Variants in SMPX observed in about 807,000 individuals in gnomAD.
SMPX encodes the protein small muscle protein X-linked.
SMPX carries 2 observed loss-of-function variants against 6.3 expected under a neutral mutation model. That is an observed-to-expected ratio of 0.32 (90% CI 0.13 to 0.99). SMPX has a LOEUF of 0.99. Among genes scored for constraint, SMPX ranks in the 50% least tolerant of loss-of-function variants. SMPX has a pLI of 0.49. For missense variants in SMPX, 60 were observed against 66.8 expected (o/e 0.90, Z 0.36); for synonymous variants, 32 against 24.7 (o/e 1.30, Z -0.88).
intron 2 of SMPX, among the ~76,000 whole-genome samples, chrX:21,749,561 T>C (rs1249235647): frequency 8.9e-6 from 1 of 111,855 alleles, no homozygotes; most frequent in Non-Finnish European, 1.9e-5. Context: ...AAGACAGCAT[T>C]GCAGAGTGCT....
chrX:21,718,119 C>A (rs1279132672), intron 4 of SMPX, among the ~76,000 whole-genome samples: 2 of 112,182 alleles, frequency 1.8e-5, no homozygotes, highest in Non-Finnish European at 3.8e-5. Flanking sequence ...TTTGAAAGAT[C>A]CGCTGATTGC....
intron 3 of SMPX, among the ~76,000 whole-genome samples, chrX:21,741,338 C>T (rs1438097861): frequency 7.1e-5 from 8 of 112,132 alleles, no homozygotes; most frequent in African/African-American, 9.7e-5. Context: ...GGCTAGGCAA[C>T]GAACGAATTT....
intron 4 of SMPX, among the ~76,000 whole-genome samples, chrX:21,731,570 A>ATATGTGTATATGTACACAT (rs2092804330): frequency 2.5e-5 from 1 of 40,126 alleles, no homozygotes; most frequent in African/African-American, 7.0e-5. Context: ...CATTATGTGT[A>ATATGTGTATATGTACACAT]TATGTGTATA....
At chrX:21,713,010 A>G (rs189338008) in intron 4 of SMPX, among the ~76,000 whole-genome samples, 143 of 112,177 alleles carry the variant, frequency 1.3e-3, no homozygotes, top group African/African-American at 4.4e-3. Flanking sequence ...CCTTCTTCCC[A>G]TAATGCATAC....
At chrX:21,726,089 T>C (rs2092796565) in intron 4 of SMPX, among the ~76,000 whole-genome samples, 1 of 111,724 alleles carries the variant, frequency 9.0e-6, no homozygotes, top group Non-Finnish European at 1.9e-5. Context: ...TATTCCTATT[T>C]ATAGATGTGG....
intron 2 of SMPX, among the ~76,000 whole-genome samples, chrX:21,749,872 G>C (rs2092825594): frequency 8.9e-6 from 1 of 112,296 alleles, no homozygotes; most frequent in Non-Finnish European, 1.9e-5. Flanking sequence ...CAAGGACCAG[G>C]GGGGTGAATT....
chrX:21,726,432 G>A (rs2092797026), intron 4 of SMPX, among the ~76,000 whole-genome samples: 1 of 112,643 alleles, frequency 8.9e-6, no homozygotes. Flanking sequence ...TGGGATTTTA[G>A]ACTGGTATTG....
intron 4 of SMPX, among the ~76,000 whole-genome samples, chrX:21,730,238 A>G (rs950651166): frequency 1.7e-4 from 19 of 111,976 alleles, no homozygotes; most frequent in African/African-American, 5.8e-4. Context: ...GTCTAGTTCT[A>G]TGTGAAACAA....
rs370272432 is a variant in SMPX, at chrX:21,736,017, A to G, written c.*14+1532T>C. On this transcript the variant is annotated intron_variant, in intron 4 of 4. Coordinates refer to ENST00000379494, the MANE Select transcript of SMPX (RefSeq NM_014332.3). ...CATCCAGGTTCCTGGGATTCAGTCT[A>G]TGGTCATAGATCCACTCTGTTTTAC... Among the ~76,000 whole-genome samples, 4 of 111,505 alleles carry G rather than the reference A, an allele frequency of 3.6e-5. No homozygotes were observed. In the South Asian group the frequency reaches 1.2e-3, roughly 32 times the overall value.
chrX:21,722,586 T>C (rs1253850967), intron 4 of SMPX, among the ~76,000 whole-genome samples: 1 of 112,260 alleles, frequency 8.9e-6, no homozygotes, highest in African/African-American at 3.2e-5. Flanking sequence ...ACTAAACAGC[T>C]ACAGAAATGA....
chrX:21,751,890 C>T (rs922786468), intron 2 of SMPX, among the ~76,000 whole-genome samples: 2 of 112,181 alleles, frequency 1.8e-5, no homozygotes, highest in African/African-American at 6.5e-5. Context: ...CCATTGTGTA[C>T]GGTGTAACCA....
At chrX:21,715,262 CTGTGTGTGTGTGTGTGTG>C (rs34947234) in intron 4 of SMPX, among the ~76,000 whole-genome samples, 1 of 94,606 alleles carries the variant, frequency 1.1e-5, no homozygotes, top group Non-Finnish European at 2.1e-5. Flanking sequence ...TCACTCTGCT[CTGTGTGTGTGTGTGTGTG>C]TGTGTGTGTG....
chrX:21,748,736 C>T (rs756970916), intron 2 of SMPX, among the ~76,000 whole-genome samples: 1 of 111,887 alleles, frequency 8.9e-6, no homozygotes, highest in African/African-American at 3.3e-5. Flanking sequence ...CCATGATCAA[C>T]GAAAAGGCCT....
intron 4 of SMPX, among the ~76,000 whole-genome samples, chrX:21,714,769 C>G (rs200055485): frequency 8.9e-6 from 1 of 112,605 alleles, no homozygotes; most frequent in East Asian, 2.8e-4. Context: ...TCTACTGAAG[C>G]TGCATATTTT....
At chrX:21,739,232 T>C (rs1167323583) in intron 3 of SMPX, among the ~76,000 whole-genome samples, 1 of 111,968 alleles carries the variant, frequency 8.9e-6, no homozygotes, top group Non-Finnish European at 1.9e-5. Context: ...GAAGAAAGTA[T>C]TCAAGCTTCC....
intron 4 of SMPX, among the ~76,000 whole-genome samples, chrX:21,726,338 A>T (rs2092796886): frequency 8.9e-6 from 1 of 112,282 alleles, no homozygotes; most frequent in African/African-American, 3.2e-5. Context: ...AGCAGTCAGT[A>T]CCAATGAAAC....
rs1475738221 is a variant in SMPX at position 21,757,935 on chromosome X, T to TG, written c.-13+6dup. ...CCCAGTCGCCGGAGCTGCGTCCTTC[T>TG]GCTTACCTGCTTTATGTATTTGTTT... On this transcript the variant is annotated splice_region_variant and intron_variant, in intron 1 of 4. Coordinates refer to ENST00000379494, the MANE Select transcript of SMPX (RefSeq NM_014332.3). 5 of 327,897 alleles carry TG rather than the reference T, an allele frequency of 1.5e-5. No individual in the cohort carries two copies. The highest frequency in any genetic ancestry group is 2.4e-5 in the Non-Finnish European group (4 of 168,712). 27.0% of individuals were successfully genotyped at this position (327,897 alleles called of 1,213,427 possible). A position where few individuals can be genotyped will look rare whatever the true frequency, so the allele number is the denominator to read the frequency against.
At chrX:21,757,512 A>C (rs1213588901) in intron 1 of SMPX, among the ~76,000 whole-genome samples, 1 of 111,899 alleles carries the variant, frequency 8.9e-6, no homozygotes, top group Admixed American at 9.5e-5. Flanking sequence ...TTAAACTTGT[A>C]CTGTATAAAA....
intron 2 of SMPX, among the ~76,000 whole-genome samples, chrX:21,746,411 T>G (rs1463031070): frequency 9.0e-6 from 1 of 111,663 alleles, no homozygotes; most frequent in Non-Finnish European, 1.9e-5. Flanking sequence ...AACCCGTCTC[T>G]AAAGAGCTCT....
Sources: gnomAD v4.1 joint callset for allele counts (sites outside exome capture counted in the v4.1 genomes callset) on GRCh38, gnomAD v4.1.1 for gene constraint, MANE v1.5 for transcripts, NCBI Gene and HGNC (gene_info 2026-07-23, HGNC 2026-07-21) for gene names.